The following LAMP5 variants were observed in gnomAD, a reference collection of about 807,000 sequenced individuals.
The protein encoded by LAMP5 is lysosome-associated membrane glycoprotein 5.
A neutral mutation model predicts 30.2 loss-of-function variants in LAMP5; 36 were observed. That is an observed-to-expected ratio of 1.19 (90% CI 0.91 to 1.57). The LOEUF is 1.57. Among genes scored for constraint, LAMP5 ranks in the 40% most tolerant of loss-of-function variants. The probability of loss-of-function intolerance (pLI) is 0.00; values close to 1 mark genes in which losing one functional copy is unlikely to be tolerated. For synonymous variants in LAMP5, 149 were observed against 134.6 expected (o/e 1.11, Z -0.74); for missense variants, 377 against 354.9 (o/e 1.06, Z -0.50).
intron 4 of LAMP5, 125 bp downstream of exon 4, chr20:9,516,486 G>T (rs1044031219): frequency 1.2e-6 from 1 of 806,970 alleles, no homozygotes; most frequent in East Asian, 2.6e-5. Flanking sequence ...GTCTTCCCTC[G>T]GCTTGCTCTT....
chr20:9,527,030 T>C (rs12481562), intron 5 of LAMP5, among the ~76,000 whole-genome samples: 70,728 of 151,450 alleles, frequency 0.47, 20,326 homozygotes, highest in African/African-American at 0.82. Context: ...ATATCCATCA[T>C]GCTGGAAAAC....
chr20:9,528,321 T>C (rs6056671), intron 5 of LAMP5, among the ~76,000 whole-genome samples: 21,867 of 151,108 alleles, frequency 0.14, 2,412 homozygotes, highest in African/African-American at 0.31. Flanking sequence ...TGTGTGTGTG[T>C]GCGTGTGTGT....
chr20:9,520,086 T>C (rs961486203), intron 5 of LAMP5, among the ~76,000 whole-genome samples: 13 of 152,250 alleles, frequency 8.5e-5, no homozygotes, highest in Admixed American at 7.2e-4. Context: ...AGGTCCTAGA[T>C]AGGGAAGGCT....
chr20:9,520,284 C>T (rs908129939), intron 5 of LAMP5, among the ~76,000 whole-genome samples: 4 of 152,258 alleles, frequency 2.6e-5, no homozygotes, highest in African/African-American at 9.6e-5. Context: ...TTCAGAATCA[C>T]TCACTGGATC....
intron 5 of LAMP5, among the ~76,000 whole-genome samples, chr20:9,528,298 G>A (rs1568946071): frequency 1.0e-5 from 1 of 98,894 alleles, no homozygotes; most frequent in Non-Finnish European, 1.8e-5. Flanking sequence ...AAGGATATGG[G>A]TGTGTGTGTG....
intron 5 of LAMP5, 148 bp downstream of exon 5, chr20:9,518,376 T>TA (rs1568943411): frequency 3.0e-6 from 2 of 671,690 alleles, no homozygotes; most frequent in Non-Finnish European, 5.0e-6. Flanking sequence ...TTTCAAAGAC[T>TA]AAAAAAGCAG....
In LAMP5 at chr20:9,516,337, A is replaced by T. The variant is rs755337994; in HGVS notation, c.451A>T (p.Thr151Ser). Residue 151 changes from threonine (T) to serine (S), a missense_variant, in exon 4 of 6, where the codon ACC (threonine) becomes TCC (serine). Thr to Ser is a moderately conservative substitution (Grantham distance 58, BLOSUM62 1). Transcript: ENST00000246070. Reference sequence around the variant, plus strand: ...GTTTGTCTACGACTCCTCGGAGAAAACCCACTTCAAAGACGCAGTCAGTGG... The same window carrying T: ...GTTTGTCTACGACTCCTCGGAGAAATCCCACTTCAAAGACGCAGTCAGTGG... ...VQFVYDSSEKTHFKDAVSAGK... is the reference protein window; with the variant it reads ...VQFVYDSSEKSHFKDAVSAGK... 9.3e-6 allele frequency: 15 copies of T among 1,614,056 alleles called. No individual in the cohort carries two copies. Among genetic ancestry groups the T allele is most frequent in the Non-Finnish European group, 1.2e-5 (14 of 1,179,982 alleles).
rs754536568 is a variant in LAMP5, at chr20:9,516,248, C to T, written c.370-8C>T. ...GGACGATTGAAGCGCACCTCCCCGG[C>T]TCAACAGGAAAGCCACAACATGTCC... On this transcript the variant is annotated splice_region_variant and splice_polypyrimidine_tract_variant and intron_variant, in intron 3 of 5. Transcript: ENST00000246070. 3.7e-6 allele frequency: 6 copies of T among 1,614,070 alleles called. No homozygotes were observed. In the South Asian group the frequency reaches 6.6e-5, roughly 18 times the overall value.
At position 9,515,639 on chromosome 20, in the gene LAMP5, C is replaced by A. The variant is rs756322393; in HGVS notation, c.237+14C>A. The A allele has an allele frequency of 6.4e-7, 1 of 1,552,968 alleles. No individual in the cohort carries two copies. The highest frequency in any genetic ancestry group is 8.7e-7 in the Non-Finnish European group (1 of 1,152,182). ...AACTACGTAGATGTAAGGAATCTTT[C>A]CCCCCCCTCAGCTTGCTCCTAGGGC... is the stretch of plus-strand genomic sequence containing the variant. On this transcript the variant is annotated intron_variant, in intron 2 of 5. Coordinates refer to ENST00000246070, the MANE Select transcript of LAMP5 (RefSeq NM_012261.4).
chr20:9,527,816 G>A (rs763058767), intron 5 of LAMP5, among the ~76,000 whole-genome samples: 14 of 152,102 alleles, frequency 9.2e-5, no homozygotes, highest in African/African-American at 1.2e-4. Flanking sequence ...TAAAAAAATG[G>A]AGACTCAGCA....
intron 5 of LAMP5, among the ~76,000 whole-genome samples, chr20:9,527,235 T>C (rs187948068): frequency 6.6e-5 from 10 of 152,192 alleles, no homozygotes; most frequent in African/African-American, 2.4e-4. Flanking sequence ...GTTAAGTTGT[T>C]TGAGTTCAGA....
At chr20:9,519,212 A>C (rs868495899) in intron 5 of LAMP5, among the ~76,000 whole-genome samples, 1 of 152,208 alleles carries the variant, frequency 6.6e-6, no homozygotes, top group Non-Finnish European at 1.5e-5. Context: ...TTTATTCTAC[A>C]TGGAAAAAAA....
At chr20:9,526,325 G>T (rs893151410) in intron 5 of LAMP5, among the ~76,000 whole-genome samples, 2 of 152,096 alleles carry the variant, frequency 1.3e-5, no homozygotes, top group Admixed American at 1.3e-4. Context: ...AGAAAAAATT[G>T]TATGAGGTTG....
rs1188044376 is a variant in LAMP5, at chr20:9,529,937, C to G, written c.*117C>G. 1.7e-5 allele frequency: 18 copies of G among 1,042,062 alleles called. No individual in the cohort carries two copies. The highest frequency in any genetic ancestry group is 2.4e-5 in the Non-Finnish European group (17 of 719,274). The allele number at this position is 1,042,062 out of a possible 1,614,324, so 64.6% of individuals were successfully genotyped here. A position where few individuals can be genotyped will look rare whatever the true frequency, so the allele number is the denominator to read the frequency against. ...CCAACATAGCTACAATCAAACAGGC[C>G]TGGGTATCTGAGGCTTGCTTGGCTT... On this transcript the variant is annotated 3_prime_UTR_variant, in exon 6 of 6. Transcript: ENST00000246070.
Position 9,518,085 on chromosome 20 carries a change from C to G in LAMP5, c.521C>G (p.Thr174Ser). The change falls in exon 5 of 6, where the codon ACC (threonine) becomes AGC (serine). Residue 174 changes from threonine to serine, a missense_variant. Transcript: ENST00000246070. ...ANSHHLSALVTPAGKSYECQA... is the reference protein window; with the variant it reads ...ANSHHLSALVSPAGKSYECQA... ...TCGCACCACCTCTCTGCCTTGGTCACCCCCGCTGGGAAGTCCTATGAGTGT... is the reference window on the plus strand; with the variant it reads ...TCGCACCACCTCTCTGCCTTGGTCAGCCCCGCTGGGAAGTCCTATGAGTGT... 1.9e-6 allele frequency: 3 copies of G among 1,614,124 alleles called. No homozygotes were observed. In the South Asian group the frequency reaches 3.3e-5, roughly 18 times the overall value.
At chr20:9,527,341 G>A (rs1251285003) in intron 5 of LAMP5, among the ~76,000 whole-genome samples, 16 of 152,232 alleles carry the variant, frequency 1.1e-4, no homozygotes, top group African/African-American at 2.4e-5. Context: ...GTACCTCAGA[G>A]GGTTGTTAAC....
chr20:9,515,694 C>T, intron 2 of LAMP5, 69 bp downstream of exon 2: 5 of 1,536,886 alleles, frequency 3.3e-6, no homozygotes, highest in Non-Finnish European at 4.4e-6. Flanking sequence ...TTCCTCAAGG[C>T]TCTTCGAAGA....
At chr20:9,521,737 T>A (rs1207330626) in intron 5 of LAMP5, among the ~76,000 whole-genome samples, 6 of 152,134 alleles carry the variant, frequency 3.9e-5, no homozygotes, top group Admixed American at 3.9e-4. Flanking sequence ...CTGGCTGAGA[T>A]GGGAATGGGG....
intron 5 of LAMP5, among the ~76,000 whole-genome samples, chr20:9,525,393 C>A (rs1004392064): frequency 3.3e-5 from 5 of 152,140 alleles, no homozygotes; most frequent in Non-Finnish European, 5.9e-5. Flanking sequence ...ACGTTGGATA[C>A]TCACAGCAAC....
Sources: allele counts gnomAD v4.1 joint callset (sites outside exome capture counted in the v4.1 genomes callset), GRCh38; gene constraint gnomAD v4.1.1; transcripts MANE v1.5; gene names NCBI Gene and HGNC (gene_info 2026-07-23, HGNC 2026-07-21).